The following EPS15 variants were observed in gnomAD, a reference collection of about 807,000 sequenced individuals.
The protein encoded by EPS15 is epidermal growth factor receptor substrate 15.
Under a neutral mutation model 113.8 loss-of-function variants are expected in EPS15, and 72 were observed. That is an observed-to-expected ratio of 0.63 (90% confidence interval 0.52 to 0.77). The LOEUF (loss-of-function observed/expected upper bound fraction) is 0.77. EPS15 is among the 30% of genes least tolerant of loss of function. The pLI is 0.00. For missense variants in EPS15, 1,048 were observed against 1,045.8 expected (o/e 1.00, Z -0.03); for synonymous variants, 344 against 363.4 (o/e 0.95, Z 0.61).
At chr1:51,489,303 A>ATATATATATATATATATATG (rs1360006242) in intron 1 of EPS15, among the ~76,000 whole-genome samples, 1 of 140,038 alleles carries the variant, frequency 7.1e-6, no homozygotes, top group African/African-American at 2.7e-5. Flanking sequence ...ATATATATAT[A>ATATATATATATATATATATG]TATGTATGTA....
chr1:51,367,201 G>T (rs1305812381), intron 21 of EPS15, among the ~76,000 whole-genome samples: 1 of 152,136 alleles, frequency 6.6e-6, no homozygotes, highest in Non-Finnish European at 1.5e-5. Flanking sequence ...TTACCAAATA[G>T]ATAAACACGG....
At chr1:51,455,736 C>T (rs1253063818) in intron 8 of EPS15, among the ~76,000 whole-genome samples, 1 of 152,040 alleles carries the variant, frequency 6.6e-6, no homozygotes, top group East Asian at 1.9e-4. Context: ...ATAATTCATC[C>T]ATGAGTAAAC....
intron 21 of EPS15, among the ~76,000 whole-genome samples, chr1:51,394,009 T>C (rs756627509): frequency 2.6e-5 from 4 of 152,234 alleles, no homozygotes; most frequent in Non-Finnish European, 5.9e-5. Context: ...CATTTGTATT[T>C]GTAAAGCAAT....
rs151053088 is a variant in EPS15 at position 51,489,385 on chromosome 1, G to A, written c.34-8071C>T. Among the ~76,000 whole-genome samples, 1,031 of 149,798 alleles carry A rather than the reference G, an allele frequency of 6.9e-3. 7 individuals carry two copies. Among genetic ancestry groups the A allele is most frequent in the African/African-American group, 0.024 (990 of 40,666 alleles). On this transcript the variant is annotated intron_variant, in intron 1 of 24. Transcript: ENST00000371733. ...CACCCAGGTTAGAGTGCAATCACGTGATCTCGGCTCACTGCAATCTCCGCC... is the reference window on the plus strand; with the variant it reads ...CACCCAGGTTAGAGTGCAATCACGTAATCTCGGCTCACTGCAATCTCCGCC...
chr1:51,402,211 G>A (rs1648633880), intron 18 of EPS15, among the ~76,000 whole-genome samples: 1 of 148,644 alleles, frequency 6.7e-6, no homozygotes, highest in Non-Finnish European at 1.5e-5. Flanking sequence ...GCTGGGTGTG[G>A]TGGTGGGCGC....
intron 2 of EPS15, among the ~76,000 whole-genome samples, chr1:51,480,432 T>A (rs1643999060): frequency 1.3e-5 from 2 of 152,378 alleles, no homozygotes; most frequent in South Asian, 4.1e-4. Flanking sequence ...GCGATGCAAG[T>A]GACTCCTGTC....
intron 1 of EPS15, among the ~76,000 whole-genome samples, chr1:51,485,991 T>A (rs1247907152): frequency 6.6e-6 from 1 of 151,554 alleles, no homozygotes; most frequent in Non-Finnish European, 1.5e-5. Flanking sequence ...AGAGATGGGG[T>A]TTCGCCATGT....
intron 12 of EPS15, among the ~76,000 whole-genome samples, chr1:51,429,703 T>C (rs954614059): frequency 6.6e-6 from 1 of 150,840 alleles, no homozygotes; most frequent in Non-Finnish European, 1.5e-5. Flanking sequence ...CAGGTTGGAG[T>C]GCAGTGGCGC....
At chr1:51,421,128 C>T (rs1650712570) in intron 13 of EPS15, among the ~76,000 whole-genome samples, 1 of 152,108 alleles carries the variant, frequency 6.6e-6, no homozygotes, top group Admixed American at 6.6e-5. Flanking sequence ...ACGTTAGAAA[C>T]ACTGCTACTC....
Position 51,518,680 on chromosome 1 carries a change from G to C in EPS15, c.33+519C>G, listed in dbSNP as rs374356139. On this transcript the variant is annotated intron_variant, in intron 1 of 24. Coordinates refer to ENST00000371733, the MANE Select transcript of EPS15 (RefSeq NM_001981.3). ...ACCCTGGGAGAAAGGCAGGTCTGGAGAGGAAAGACTGGCTTGGGGGGCCTG... is the reference window on the plus strand; with the variant it reads ...ACCCTGGGAGAAAGGCAGGTCTGGACAGGAAAGACTGGCTTGGGGGGCCTG... Among the ~76,000 whole-genome samples the C allele has an allele frequency of 6.6e-5, 10 of 152,298 alleles. No homozygotes were observed. In the East Asian group the frequency reaches 1.9e-3, roughly 29 times the overall value.
intron 1 of EPS15, among the ~76,000 whole-genome samples, chr1:51,508,354 A>AAG (rs1323150128): frequency 3.3e-5 from 5 of 149,732 alleles, no homozygotes; most frequent in African/African-American, 1.2e-4. Flanking sequence ...GAAAGAAAGA[A>AAG]AGAAAGAAAG....
At chr1:51,445,466 T>C (rs1041096822) in intron 10 of EPS15, among the ~76,000 whole-genome samples, 5 of 152,200 alleles carry the variant, frequency 3.3e-5, no homozygotes, top group African/African-American at 9.7e-5. Flanking sequence ...AATTTTGATA[T>C]TGCTATGCCT....
At chr1:51,434,892 G>A (rs746460104) in intron 12 of EPS15, among the ~76,000 whole-genome samples, 11 of 151,818 alleles carry the variant, frequency 7.2e-5, no homozygotes, top group African/African-American at 1.9e-4. Context: ...GGCTGGTCTC[G>A]AACTCCTGAC....
intron 24 of EPS15, among the ~76,000 whole-genome samples, chr1:51,357,991 G>A (rs980739920): frequency 6.6e-6 from 1 of 151,886 alleles, no homozygotes; most frequent in Non-Finnish European, 1.5e-5. Flanking sequence ...CGCCCATCTC[G>A]GCCTCCCAAG....
At chr1:51,430,993 C>T (rs1341640983) in intron 12 of EPS15, among the ~76,000 whole-genome samples, 6 of 146,282 alleles carry the variant, frequency 4.1e-5, no homozygotes, top group Non-Finnish European at 7.5e-5. Flanking sequence ...CACACACACA[C>T]ACACACACAC....
At chr1:51,514,514 T>C (rs1644679767) in intron 1 of EPS15, among the ~76,000 whole-genome samples, 1 of 152,146 alleles carries the variant, frequency 6.6e-6, no homozygotes, top group African/African-American at 2.4e-5. Flanking sequence ...CACAAACAAG[T>C]ATATAAAGTG....
At chr1:51,488,599 C>A (rs1223628499) in intron 1 of EPS15, among the ~76,000 whole-genome samples, 1 of 151,366 alleles carries the variant, frequency 6.6e-6, no homozygotes, top group African/African-American at 2.4e-5. Context: ...GTTTCCTGAT[C>A]TGGTTGGTTT....
chr1:51,388,328 G>A (rs1267243943), intron 21 of EPS15, among the ~76,000 whole-genome samples: 1 of 152,182 alleles, frequency 6.6e-6, no homozygotes, highest in African/African-American at 2.4e-5. Context: ...GCAGTGTGTA[G>A]AGGGAAATTT....
At chr1:51,452,473 G>C (rs572918163) in intron 8 of EPS15, among the ~76,000 whole-genome samples, 1 of 151,960 alleles carries the variant, frequency 6.6e-6, no homozygotes, top group South Asian at 2.1e-4. Flanking sequence ...TGCAGAGATG[G>C]GGGTCTCACT....
Sources: gnomAD v4.1 joint callset for allele counts (sites outside exome capture counted in the v4.1 genomes callset) on GRCh38, gnomAD v4.1.1 for gene constraint, MANE v1.5 for transcripts, NCBI Gene and HGNC (gene_info 2026-07-23, HGNC 2026-07-21) for gene names.